Variants in DDX3X observed in about 807,000 individuals in gnomAD.
The protein encoded by DDX3X is ATP-dependent RNA helicase DDX3X.
A neutral mutation model predicts 52.7 loss-of-function variants in DDX3X; 4 were observed. That is an observed-to-expected ratio of 0.08 (90% CI 0.04 to 0.17). DDX3X has a LOEUF of 0.17. DDX3X is among the 10% of genes least tolerant of loss of function. The probability of loss-of-function intolerance (pLI) is 1.00; values close to 1 mark genes in which losing one functional copy is unlikely to be tolerated. For missense variants in DDX3X, 222 were observed against 548.6 expected (o/e 0.40, Z 5.95); for synonymous variants, 192 against 178.1 (o/e 1.08, Z -0.62).
downstream of DDX3X, among the ~76,000 whole-genome samples, chrX:41,353,846 A>G (rs958027292): frequency 1.3e-4 from 14 of 110,014 alleles, no homozygotes; most frequent in Non-Finnish European, 3.8e-5. Context: ...TGCCATTGAC[A>G]ATTACTAGTG....
At chrX:41,355,027 G>A (rs2064003032), downstream of DDX3X, among the ~76,000 whole-genome samples, 13 of 110,629 alleles carry the variant, frequency 1.2e-4, no homozygotes, top group Admixed American at 1.2e-3. Context: ...CACCATGTTG[G>A]CCAGGCTGGT....
At position 41,346,967 on chromosome X, in the gene DDX3X, C is replaced by T; in HGVS notation, c.1724C>T (p.Ala575Val). The T allele has an allele frequency of 8.3e-7, 1 of 1,210,584 alleles. No individual in the cohort carries two copies. The highest frequency in any genetic ancestry group is 2.2e-5 in the Admixed American group (1 of 45,886). Residue 575 changes from alanine (A) to valine (V), a missense_variant, in exon 15 of 17, where the codon GCT becomes GTT. Around this residue, in one of 5 missense-constraint regions of DDX3X, gnomAD observed 18 missense variants for 45.3 expected, o/e 0.40. Coordinates refer to ENST00000644876, the MANE Select transcript of DDX3X (RefSeq NM_001356.5). ...QEVPSWLENM[A>V]YEHHYKGSSR... Reference sequence around the variant, plus strand: ...GTGCCGTCTTGGTTAGAAAACATGGCTTATGAACACCACTACAAGGGTAGC... The same window carrying T: ...GTGCCGTCTTGGTTAGAAAACATGGTTTATGAACACCACTACAAGGGTAGC...
intron 8 of DDX3X, 29 bp from the exon 9 acceptor site, chrX:41,344,001 G>A (rs775426247): frequency 8.7e-7 from 1 of 1,151,052 alleles, no homozygotes; most frequent in Admixed American, 2.5e-5. Flanking sequence ...GGTAGGTAGA[G>A]TTAACTTAAA....
chrX:41,344,446 C>T, intron 10 of DDX3X, 47 bp downstream of exon 10: 2 of 1,196,894 alleles, frequency 1.7e-6, no homozygotes, highest in East Asian at 3.0e-5. Context: ...TTGTTTTGTT[C>T]TTTTGTTTTT....
chrX:41,355,096 T>C (rs2064003444), downstream of DDX3X, among the ~76,000 whole-genome samples: 1 of 111,494 alleles, frequency 9.0e-6, no homozygotes, highest in African/African-American at 3.3e-5. Context: ...GCTGGGATTA[T>C]AGGTGTGAGC....
At chrX:41,346,810 T>G in intron 14 of DDX3X, 49 bp from the exon 15 acceptor site, 1 of 1,110,522 alleles carries the variant, frequency 9.0e-7, no homozygotes. Flanking sequence ...AGTAGCAAGT[T>G]ACTTTATGGA....
At chrX:41,357,469 A>G (rs1411957735) in intron 5 of DDX3X, among the ~76,000 whole-genome samples, 2 of 111,410 alleles carry the variant, frequency 1.8e-5, no homozygotes, top group Admixed American at 1.9e-4. Context: ...TGTTGGGTCC[A>G]AAACTTTTTT....
chrX:41,347,508 C>T (rs2063942614), intron 16 of DDX3X, 57 bp downstream of exon 16: 1 of 1,183,705 alleles, frequency 8.4e-7, no homozygotes, highest in Non-Finnish European at 1.1e-6. Context: ...TTTTAGTCAT[C>T]TTTTTCAAAG....
chrX:41,360,613 TTG>T (rs2064026159), intron 5 of DDX3X, among the ~76,000 whole-genome samples: 1 of 108,970 alleles, frequency 9.2e-6, no homozygotes, highest in African/African-American at 3.3e-5. Context: ...TAGCTAATTT[TTG>T]TGTTTTTAAT....
At chrX:41,334,060 C>T, upstream of DDX3X, 1 of 438,989 alleles carries the variant, frequency 2.3e-6, no homozygotes. Flanking sequence ...GAAGTCGCCG[C>T]GACAGGGAAT....
chrX:41,346,126 AGAT>A, intron 12 of DDX3X, 100 bp from the exon 13 acceptor site: 2 of 697,100 alleles, frequency 2.9e-6, no homozygotes, highest in Admixed American at 6.7e-5. Context: ...GTTTTTAAGA[AGAT>A]ATATATGTAT....
chrX:41,333,589 G>C (rs1488957778), upstream of DDX3X: 1 of 110,687 alleles, frequency 9.0e-6, no homozygotes, highest in Non-Finnish European at 1.9e-5. Flanking sequence ...TCGGGAATCT[G>C]CCTAGCTCCC....
upstream of DDX3X, chrX:41,334,009 C>G (rs1029536386): frequency 2.5e-6 from 1 of 395,692 alleles, no homozygotes; most frequent in Non-Finnish European, 4.4e-6. Flanking sequence ...AGTAGGAAAT[C>G]CCTTGAGCTT....
At chrX:41,360,852 A>G (rs2064026901) in intron 5 of DDX3X, among the ~76,000 whole-genome samples, 2 of 107,359 alleles carry the variant, frequency 1.9e-5, no homozygotes, top group Non-Finnish European at 3.8e-5. Context: ...CTCCTGGCTC[A>G]CTCCCTTAAT....
exon 6 of DDX3X, chrX:41,364,287 A>G: frequency 3.4e-6 from 1 of 297,427 alleles, no homozygotes; most frequent in Non-Finnish European, 5.9e-6. Context: ...TTGGAGCGTG[A>G]TGCCCAGAAG....
chrX:41,344,683 C>T (rs2063899280), intron 10 of DDX3X: 1 of 334,222 alleles, frequency 3.0e-6, no homozygotes, highest in East Asian at 6.2e-5. Context: ...GGTGATCCGC[C>T]TGCCTTGGCC....
At chrX:41,364,373 A>G (rs953313225) in exon 6 of DDX3X, 9 of 295,885 alleles carry the variant, frequency 3.0e-5, no homozygotes, top group African/African-American at 1.9e-4. Context: ...CAGTGAGCCT[A>G]CATGCAGATG....
chrX:41,342,263 G>T (rs756839720), intron 4 of DDX3X: 11 of 332,855 alleles, frequency 3.3e-5, no homozygotes, highest in Admixed American at 5.5e-5. Flanking sequence ...CATCTGTGAG[G>T]CCTTTTAGGC....
chrX:41,350,418 T>G (rs767049593), downstream of DDX3X: 2 of 112,264 alleles, frequency 1.8e-5, no homozygotes, highest in South Asian at 7.2e-4. Context: ...ATTTTTGTAA[T>G]AGACGGAAAT....
Sources: allele counts gnomAD v4.1 joint callset (sites outside exome capture counted in the v4.1 genomes callset), GRCh38; gene constraint gnomAD v4.1.1; regional missense constraint gnomAD v4.1.1; transcripts MANE v1.5; gene names NCBI Gene and HGNC (gene_info 2026-07-23, HGNC 2026-07-21).